Variants in FBXL5 observed in about 807,000 individuals in gnomAD.
FBXL5 encodes the protein F-box/LRR-repeat protein 5.
A neutral mutation model predicts 78.3 loss-of-function variants in FBXL5; 26 were observed. The observed-to-expected ratio is 0.33, with a 90% CI of 0.24 to 0.46. The LOEUF is 0.46. Ranked by LOEUF, FBXL5 falls within the 20% of genes least tolerant of loss-of-function variation. The pLI is 1.00. For missense variants in FBXL5, 710 were observed against 829.2 expected (o/e 0.86, Z 1.77); for synonymous variants, 295 against 282.5 (o/e 1.04, Z -0.45).
At chr4:15,620,608 G>C (rs907078919) in intron 9 of FBXL5, among the ~76,000 whole-genome samples, 7 of 152,234 alleles carry the variant, frequency 4.6e-5, no homozygotes, top group Non-Finnish European at 1.5e-5. Flanking sequence ...AGAATAATTA[G>C]ACAAGAAAAA....
intron 9 of FBXL5, among the ~76,000 whole-genome samples, chr4:15,621,258 ATAG>A (rs756995287): frequency 2.6e-5 from 4 of 152,360 alleles, no homozygotes; most frequent in Middle Eastern, 3.4e-3. Context: ...ATTTAGCTGA[ATAG>A]TAGGATACAA....
At chr4:15,652,288 G>T (rs902592840) in intron 1 of FBXL5, among the ~76,000 whole-genome samples, 2 of 152,186 alleles carry the variant, frequency 1.3e-5, no homozygotes, top group Admixed American at 1.3e-4. Context: ...AAACTACTAT[G>T]ATTTAATATA....
At chr4:15,645,312 T>C (rs991966750) in intron 1 of FBXL5, among the ~76,000 whole-genome samples, 4 of 152,148 alleles carry the variant, frequency 2.6e-5, no homozygotes, top group Admixed American at 2.0e-4. Context: ...CTATAAAAAG[T>C]AGTGCGGATT....
intron 9 of FBXL5, among the ~76,000 whole-genome samples, chr4:15,616,089 C>T (rs1467786798): frequency 3.3e-5 from 5 of 152,024 alleles, no homozygotes; most frequent in Non-Finnish European, 5.9e-5. Flanking sequence ...ACACTCACCG[C>T]GAAGGTCTGC....
At chr4:15,631,866 T>C (rs1370051548) in intron 5 of FBXL5, among the ~76,000 whole-genome samples, 1 of 152,200 alleles carries the variant, frequency 6.6e-6, no homozygotes, top group Non-Finnish European at 1.5e-5. Context: ...TTCTGTAGGT[T>C]GCCTGTTCAC....
chr4:15,656,360 T>C (rs911930744), upstream of FBXL5: 6 of 448,194 alleles, frequency 1.3e-5, no homozygotes, highest in Middle Eastern at 3.4e-4. Context: ...GATAGAGAAA[T>C]AGGAGAAAAC....
intron 1 of FBXL5, among the ~76,000 whole-genome samples, chr4:15,674,125 G>A (rs939424208): frequency 6.6e-6 from 1 of 151,720 alleles, no homozygotes; most frequent in African/African-American, 2.4e-5. Flanking sequence ...GTTATGCTTG[G>A]TGCCTGCAGA....
intron 1 of FBXL5, among the ~76,000 whole-genome samples, chr4:15,650,517 T>C (rs1157394452): frequency 1.3e-5 from 2 of 152,168 alleles, no homozygotes; most frequent in Non-Finnish European, 2.9e-5. Flanking sequence ...CAGTAAAATA[T>C]AAAGGTTCCT....
intron 3 of FBXL5, among the ~76,000 whole-genome samples, chr4:15,639,846 G>C (rs548469528): frequency 6.6e-6 from 1 of 152,136 alleles, no homozygotes; most frequent in Non-Finnish European, 1.5e-5. Context: ...TTGATTATAA[G>C]GTGAAGCTAT....
chr4:15,612,311 G>A lies in FBXL5; in HGVS notation c.1954C>T (p.Pro652Ser). 1 of 1,612,158 alleles carries A rather than the reference G, an allele frequency of 6.2e-7. No homozygotes were observed. Among genetic ancestry groups the A allele is most frequent in the Non-Finnish European group, 8.5e-7 (1 of 1,179,088 alleles). ...TAAAAGTATTCATCATTCAGAGAAG[G>A]ACATGCTGAAACCAAATCCTGCAGG... ...AGLQDLVSAC[P>S]SLNDEYFYYC... Residue 652 changes from proline to serine, a missense_variant, in exon 10 of 11, where the codon CCT becomes TCT. Around this residue, in one of 4 missense-constraint regions of FBXL5, gnomAD observed 58 missense variants for 112.3 expected, o/e 0.52. Transcript: ENST00000341285.
At chr4:15,636,420 G>A in intron 5 of FBXL5, 74 bp downstream of exon 5, 1 of 1,180,404 alleles carries the variant, frequency 8.5e-7, no homozygotes, top group Admixed American at 3.0e-5. Context: ...TCTCTCTCTG[G>A]CCTTGCTCAT....
At chr4:15,612,179 G>C (rs1722315100) in intron 10 of FBXL5, 87 bp downstream of exon 10, 1 of 1,101,958 alleles carries the variant, frequency 9.1e-7, no homozygotes, top group African/African-American at 1.8e-5. Context: ...TAGAAATCTA[G>C]AAAACTAAAT....
At chr4:15,619,949 G>A (rs1712313021) in intron 9 of FBXL5, among the ~76,000 whole-genome samples, 1 of 152,076 alleles carries the variant, frequency 6.6e-6, no homozygotes, top group Non-Finnish European at 1.5e-5. Context: ...CATGCCAATA[G>A]TCCCAGCTAC....
chr4:15,674,208 T>TG (rs1560253968), intron 1 of FBXL5, among the ~76,000 whole-genome samples: 8 of 152,038 alleles, frequency 5.3e-5, no homozygotes, highest in South Asian at 4.2e-4. Flanking sequence ...CATCGTGTTT[T>TG]TTTTTTTTTT....
intron 9 of FBXL5, among the ~76,000 whole-genome samples, chr4:15,615,399 G>C (rs1443786412): frequency 6.6e-6 from 1 of 150,470 alleles, no homozygotes; most frequent in African/African-American, 2.4e-5. Flanking sequence ...GGGACGTGGA[G>C]AGTCTTTATG....
chr4:15,615,987 C>T (rs1282134939), intron 9 of FBXL5, among the ~76,000 whole-genome samples: 1 of 152,142 alleles, frequency 6.6e-6, no homozygotes, highest in Non-Finnish European at 1.5e-5. Context: ...ACACTCACCG[C>T]GAAGATCTGC....
intron 1 of FBXL5, among the ~76,000 whole-genome samples, chr4:15,646,461 GAAAA>G (rs756613157): frequency 7.5e-6 from 1 of 132,994 alleles, no homozygotes; most frequent in African/African-American, 2.8e-5. Context: ...TCATTTTTTG[GAAAA>G]AAAAAAAAAG....
intron 2 of FBXL5, among the ~76,000 whole-genome samples, chr4:15,641,840 A>C (rs1263753402): frequency 2.6e-5 from 4 of 152,060 alleles, no homozygotes; most frequent in African/African-American, 9.7e-5. Flanking sequence ...CAGCCAGCCC[A>C]ACGCGGCGAA....
At chr4:15,647,068 C>A (rs1342708845) in intron 1 of FBXL5, among the ~76,000 whole-genome samples, 1 of 151,044 alleles carries the variant, frequency 6.6e-6, no homozygotes, top group Non-Finnish European at 1.5e-5. Context: ...ACTAAAAACA[C>A]AAAAATTAGC....
Sources: allele counts gnomAD v4.1 joint callset (sites outside exome capture counted in the v4.1 genomes callset), GRCh38; gene constraint gnomAD v4.1.1; regional missense constraint gnomAD v4.1.1; transcripts MANE v1.5; gene names NCBI Gene and HGNC (gene_info 2026-07-23, HGNC 2026-07-21).